FSTL4: variants seen among roughly 807,000 people sequenced by gnomAD.
FSTL4 encodes the protein follistatin-related protein 4.
Under a neutral mutation model 78.2 loss-of-function variants are expected in FSTL4, and 28 were observed. The observed-to-expected ratio is 0.36, with a 90% CI of 0.27 to 0.49. The LOEUF (loss-of-function observed/expected upper bound fraction) is 0.49. FSTL4 is among the 20% of genes least tolerant of loss of function. FSTL4 has a pLI of 0.98. For synonymous variants in FSTL4, 422 were observed against 440.5 expected (o/e 0.96, Z 0.53); for missense variants, 922 against 1,084.9 (o/e 0.85, Z 2.11).
chr5:133,433,865 G>A (rs1756987345), intron 3 of FSTL4, among the ~76,000 whole-genome samples: 1 of 152,130 alleles, frequency 6.6e-6, no homozygotes. Context: ...GGCTAGAAAG[G>A]CTGAAGCAAG....
At chr5:133,752,726 T>A in the FSTL4 span, among the ~76,000 whole-genome samples, 1 of 152,192 alleles carries the variant, frequency 6.6e-6, no homozygotes, top group African/African-American at 2.4e-5. Context: ...ACTGCCTATA[T>A]AACAGTGATC....
intron 4 of FSTL4, among the ~76,000 whole-genome samples, chr5:133,365,404 A>G (rs947919888): frequency 2.6e-5 from 4 of 152,186 alleles, no homozygotes. Context: ...TTGCTGAGCC[A>G]GGGGGACCAC....
At chr5:133,201,628 C>T (rs1750323497) in intron 15 of FSTL4, among the ~76,000 whole-genome samples, 1 of 152,182 alleles carries the variant, frequency 6.6e-6, no homozygotes, top group African/African-American at 2.4e-5. Flanking sequence ...CAATTTACTG[C>T]TACTGTTTCT....
the FSTL4 span, among the ~76,000 whole-genome samples, chr5:133,801,626 G>T: frequency 7.9e-5 from 12 of 152,238 alleles, no homozygotes; most frequent in Non-Finnish European, 1.6e-4. Context: ...TAACCACAGC[G>T]GTGTCCCCGC....
At chr5:133,731,614 G>A in the FSTL4 span, among the ~76,000 whole-genome samples, 17 of 152,172 alleles carry the variant, frequency 1.1e-4, no homozygotes, top group African/African-American at 3.9e-4. Flanking sequence ...GCTTGGGTGG[G>A]GGGCCAAGGG....
intron 4 of FSTL4, among the ~76,000 whole-genome samples, chr5:133,384,328 C>T (rs780354007): frequency 1.6e-4 from 25 of 152,200 alleles, no homozygotes; most frequent in Non-Finnish European, 2.4e-4. Context: ...GCTTTCCAGA[C>T]GGGGTGGTGA....
At chr5:133,783,266 A>G in the FSTL4 span, among the ~76,000 whole-genome samples, 1 of 152,154 alleles carries the variant, frequency 6.6e-6, no homozygotes, top group Non-Finnish European at 1.5e-5. Flanking sequence ...ACTTCTAAAT[A>G]TGGACATGAC....
At chr5:133,459,411 C>A (rs1391340882) in intron 3 of FSTL4, among the ~76,000 whole-genome samples, 1 of 151,790 alleles carries the variant, frequency 6.6e-6, no homozygotes, top group Non-Finnish European at 1.5e-5. Flanking sequence ...GTATTTAGGA[C>A]AATTAAATAT....
intron 3 of FSTL4, among the ~76,000 whole-genome samples, chr5:133,505,215 T>G (rs1758589120): frequency 6.6e-6 from 1 of 152,224 alleles, no homozygotes; most frequent in South Asian, 2.1e-4. Context: ...TCTCTCTCTA[T>G]TTATATATTC....
At chr5:133,617,834 A>G in the FSTL4 span, among the ~76,000 whole-genome samples, 74 of 152,262 alleles carry the variant, frequency 4.9e-4, no homozygotes, top group African/African-American at 1.8e-3. Flanking sequence ...CAGAGATACG[A>G]TTAGATGAGG....
chr5:133,432,167 T>C (rs1756953636), intron 3 of FSTL4, among the ~76,000 whole-genome samples: 2 of 152,120 alleles, frequency 1.3e-5, no homozygotes, highest in African/African-American at 4.8e-5. Flanking sequence ...TTAAAAAAAA[T>C]AGATTAGAAA....
chr5:133,286,965 C>G (rs1365667810), intron 6 of FSTL4, among the ~76,000 whole-genome samples: 1 of 152,190 alleles, frequency 6.6e-6, no homozygotes, highest in African/African-American at 2.4e-5. Flanking sequence ...CATTCTGTCT[C>G]TCTTACTTAA....
At chr5:133,398,347 AG>A (rs1181563967) in intron 4 of FSTL4, among the ~76,000 whole-genome samples, 3 of 152,148 alleles carry the variant, frequency 2.0e-5, no homozygotes, top group Non-Finnish European at 4.4e-5. Flanking sequence ...CAGACCCAAG[AG>A]GCCATCTGCA....
At chr5:133,698,171 C>A in the FSTL4 span, among the ~76,000 whole-genome samples, 1 of 152,162 alleles carries the variant, frequency 6.6e-6, no homozygotes, top group Non-Finnish European at 1.5e-5. Context: ...CCTTACTTAA[C>A]AACCCACACC....
intron 3 of FSTL4, among the ~76,000 whole-genome samples, chr5:133,486,963 GCAGGAGGCCCCTGA>G (rs1758150495): frequency 6.6e-6 from 1 of 152,166 alleles, no homozygotes; most frequent in African/African-American, 2.4e-5. Context: ...TGTGACACTG[GCAGGAGGCCCCTGA>G]CCCTGGCTTC....
intron 2 of FSTL4, among the ~76,000 whole-genome samples, chr5:133,576,156 T>A (rs42548): frequency 0.79 from 120,486 of 152,160 alleles, 47,787 homozygotes; most frequent in African/African-American, 0.83. Flanking sequence ...CCGATTACAG[T>A]TTCTCAGCTA....
chr5:133,392,261 G>C (rs945787788), intron 4 of FSTL4, among the ~76,000 whole-genome samples: 4 of 152,104 alleles, frequency 2.6e-5, no homozygotes, highest in African/African-American at 9.7e-5. Context: ...AGATATGGTT[G>C]GGTCTTTGCT....
chr5:133,694,703 T>C, the FSTL4 span, among the ~76,000 whole-genome samples: 5 of 152,360 alleles, frequency 3.3e-5, no homozygotes, highest in Non-Finnish European at 4.4e-5. Context: ...TACCACAGAC[T>C]GGGTGGCTTA....
the FSTL4 span, among the ~76,000 whole-genome samples, chr5:133,794,926 A>G: frequency 6.6e-6 from 1 of 152,292 alleles, no homozygotes; most frequent in East Asian, 1.9e-4. Flanking sequence ...CCTCTTTCCC[A>G]CTGGCCCTTC....
Sources: allele counts gnomAD v4.1 joint callset (sites outside exome capture counted in the v4.1 genomes callset), GRCh38; gene constraint gnomAD v4.1.1; transcripts MANE v1.5; gene names NCBI Gene and HGNC (gene_info 2026-07-23, HGNC 2026-07-21).